The following ADGRL2 variants were observed in gnomAD, a reference collection of about 807,000 sequenced individuals.
ADGRL2 encodes the protein adhesion G protein-coupled receptor L2, also known as calcium-independent alpha-latrotoxin receptor 2.
A neutral mutation model predicts 157.4 loss-of-function variants in ADGRL2; 44 were observed. That is an observed-to-expected ratio of 0.28 (90% CI 0.22 to 0.36). The LOEUF (loss-of-function observed/expected upper bound fraction) is 0.36. Among genes scored for constraint, ADGRL2 ranks in the 10% least tolerant of loss-of-function variants. The pLI is 1.00. For synonymous variants in ADGRL2, 585 were observed against 624.7 expected, an observed-to-expected ratio of 0.94 and a Z score of 0.95; for missense variants, 1,510 against 1,768.9, an observed-to-expected ratio of 0.85 and a Z score of 2.63.
intron 2 of ADGRL2, among the ~76,000 whole-genome samples, chr1:81,892,532 A>T (rs1383183535): frequency 6.6e-6 from 1 of 152,006 alleles, no homozygotes; most frequent in African/African-American, 2.4e-5. Flanking sequence ...AATCTGTTCT[A>T]CTCCATATCA....
intron 2 of ADGRL2, among the ~76,000 whole-genome samples, chr1:81,540,663 AAAAAAAT>A (rs2079861339): frequency 1.3e-5 from 2 of 152,342 alleles, no homozygotes; most frequent in African/African-American, 4.8e-5. Context: ...AACCTGAGAA[AAAAAAAT>A]AAAAAATAAA....
chr1:81,588,764 T>C (rs76311630), intron 3 of ADGRL2, among the ~76,000 whole-genome samples: 19,747 of 152,224 alleles, frequency 0.13, 1,737 homozygotes, highest in Non-Finnish European at 0.19. Context: ...TCCCTGTCTC[T>C]AACATGTAGC....
intron 1 of ADGRL2, among the ~76,000 whole-genome samples, chr1:81,378,656 T>C (rs2076293422): frequency 6.6e-6 from 1 of 151,688 alleles, no homozygotes; most frequent in Admixed American, 6.6e-5. Context: ...TCTCTCTTTA[T>C]GTAAAAATGA....
chr1:81,428,972 G>A (rs535568091), intron 1 of ADGRL2, among the ~76,000 whole-genome samples: 3 of 152,064 alleles, frequency 2.0e-5, no homozygotes, highest in Non-Finnish European at 2.9e-5. Context: ...GTTGTTTTCT[G>A]AGCCACCACG....
chr1:81,316,135 A>C (rs921468221), intron 1 of ADGRL2, among the ~76,000 whole-genome samples: 1 of 110,882 alleles, frequency 9.0e-6, no homozygotes, highest in Admixed American at 9.0e-5. Context: ...AAAAACAAAA[A>C]AAAAAAAGAA....
intron 3 of ADGRL2, among the ~76,000 whole-genome samples, chr1:81,626,283 A>G (rs2081906926): frequency 6.6e-6 from 1 of 152,100 alleles, no homozygotes; most frequent in African/African-American, 2.4e-5. Flanking sequence ...GTGAACATGA[A>G]CTTTTGCTTT....
At chr1:81,840,876 T>A (rs1170759855) in intron 2 of ADGRL2, among the ~76,000 whole-genome samples, 1 of 152,178 alleles carries the variant, frequency 6.6e-6, no homozygotes, top group Non-Finnish European at 1.5e-5. Flanking sequence ...AAAGTCAGTT[T>A]TATCGAGAGA....
chr1:81,984,387 T>G, intron 19 of ADGRL2, 196 bp from the exon 20 acceptor site: 1 of 482,900 alleles, frequency 2.1e-6, no homozygotes, highest in African/African-American at 1.9e-5. Context: ...GCCAGTCTAG[T>G]GGACAGAGAT....
intron 1 of ADGRL2, among the ~76,000 whole-genome samples, chr1:81,386,540 T>C (rs1304512774): frequency 6.6e-6 from 1 of 152,146 alleles, no homozygotes; most frequent in African/African-American, 2.4e-5. Flanking sequence ...ACGCATTGCC[T>C]TTGTCCTGGG....
At chr1:81,645,574 A>G (rs991436294) in intron 3 of ADGRL2, among the ~76,000 whole-genome samples, 16 of 152,112 alleles carry the variant, frequency 1.1e-4, no homozygotes, top group Admixed American at 4.6e-4. Flanking sequence ...GTCCATGCAT[A>G]TATGAACATA....
At chr1:81,804,513 G>A (rs539771830) in intron 1 of ADGRL2, among the ~76,000 whole-genome samples, 2 of 152,200 alleles carry the variant, frequency 1.3e-5, no homozygotes, top group Non-Finnish European at 2.9e-5. Context: ...AGGGCAATGA[G>A]AATTGTAAAG....
At chr1:81,668,179 T>A (rs541833764) in intron 3 of ADGRL2, among the ~76,000 whole-genome samples, 83 of 152,138 alleles carry the variant, frequency 5.5e-4, no homozygotes, top group African/African-American at 2.0e-3. Context: ...TCCCAGCACT[T>A]TGGGGGGCGA....
At chr1:81,529,603 A>AT (rs1343187498) in intron 2 of ADGRL2, among the ~76,000 whole-genome samples, 1 of 152,206 alleles carries the variant, frequency 6.6e-6, no homozygotes, top group East Asian at 1.9e-4. Flanking sequence ...TGCTGGCATT[A>AT]TTTTTTATTG....
chr1:81,648,751 A>G (rs1266700056), intron 3 of ADGRL2, among the ~76,000 whole-genome samples: 1 of 152,182 alleles, frequency 6.6e-6, no homozygotes, highest in Non-Finnish European at 1.5e-5. Context: ...TAACCAACCC[A>G]TTTGGTAGTA....
At chr1:81,472,971 G>T (rs576242209) in intron 2 of ADGRL2, among the ~76,000 whole-genome samples, 1 of 152,166 alleles carries the variant, frequency 6.6e-6, no homozygotes, top group Non-Finnish European at 1.5e-5. Context: ...CTGAGAACCC[G>T]TTCATTTCTT....
At chr1:81,464,305 C>A (rs569296947) in intron 2 of ADGRL2, among the ~76,000 whole-genome samples, 1 of 151,948 alleles carries the variant, frequency 6.6e-6, no homozygotes, top group South Asian at 2.1e-4. Context: ...AATTTGTACA[C>A]GCACTCCATC....
chr1:81,824,999 A>G lies in ADGRL2; in HGVS notation c.-100-11886A>G, dbSNP rs111983990. On this transcript the variant is annotated intron_variant, in intron 1 of 23. Transcript: ENST00000686636. ...TCTCTCTCTGTCTTTCAGATTTTCA[A>G]TTACCATTCCCCTTTCATTCCAGCC... Among the ~76,000 whole-genome samples, 19 of 127,114 alleles carry G rather than the reference A, an allele frequency of 1.5e-4. 1 individual carries two copies. Among genetic ancestry groups the G allele is most frequent in the Middle Eastern group, 4.0e-3 (1 of 252 alleles). 83.4% of individuals were successfully genotyped at this position (127,114 alleles called of 152,430 possible). A position where few individuals can be genotyped will look rare whatever the true frequency, so the allele number is the denominator to read the frequency against.
rs774334338 is a variant in ADGRL2, at chr1:81,936,761, T to A, written c.321T>A (p.Thr107=). The A allele has an allele frequency of 2.1e-4, 337 of 1,611,578 alleles. No homozygotes were observed. The highest frequency in any genetic ancestry group is 2.6e-4 in the Non-Finnish European group (305 of 1,178,166). The part of the protein sequence containing the change: ...CNNRTQCIVV[T]GSDVFPDPCP... ...ATCGAACACAGTGTATAGTAGTTAC[T>A]GGGTCAGATGTGTTTCCTGATCCAT... is the stretch of plus-strand genomic sequence containing the variant. Residue 107 remains threonine (T), a synonymous_variant, in exon 4 of 24, where the codon ACT becomes ACA. Coordinates refer to ENST00000686636, the MANE Select transcript of ADGRL2 (RefSeq NM_001366006.2).
intron 2 of ADGRL2, among the ~76,000 whole-genome samples, chr1:81,573,965 A>G (rs2080747205): frequency 6.6e-6 from 1 of 152,208 alleles, no homozygotes; most frequent in Non-Finnish European, 1.5e-5. Flanking sequence ...GGAGACAAAG[A>G]AAGTTAATAC....
Sources: allele counts gnomAD v4.1 joint callset (sites outside exome capture counted in the v4.1 genomes callset), GRCh38; gene constraint gnomAD v4.1.1; transcripts MANE v1.5; gene names NCBI Gene and HGNC (gene_info 2026-07-23, HGNC 2026-07-21).